Variants in KDSR observed in about 807,000 individuals in gnomAD.
KDSR encodes 3-dehydrosphinganine reductase.
A neutral mutation model predicts 41.3 loss-of-function variants in KDSR; 23 were observed. The observed-to-expected ratio is 0.56, with a 90% CI of 0.40 to 0.79. The LOEUF is 0.79. Ranked by LOEUF, KDSR falls within the 30% of genes least tolerant of loss-of-function variation. The probability of loss-of-function intolerance (pLI) is 0.00; values close to 1 mark genes in which losing one functional copy is unlikely to be tolerated. For missense variants in KDSR, 351 were observed against 416.8 expected, an observed-to-expected ratio of 0.84 and a Z score of 1.37; for synonymous variants, 138 against 151.7, an observed-to-expected ratio of 0.91 and a Z score of 0.66.
At position 63,331,592 on chromosome 18, in the gene KDSR, T is replaced by C. The variant is rs189003188; in HGVS notation, c.*190A>G. On this transcript the variant is annotated 3_prime_UTR_variant, in exon 10 of 10. Transcript: ENST00000645214. Reference sequence around the variant, plus strand: ...AATGGTCTCCTATTCCATATTTGCATAGTATTAATAATACTGTCAGGAGGT... The same window carrying C: ...AATGGTCTCCTATTCCATATTTGCACAGTATTAATAATACTGTCAGGAGGT... The C allele has an allele frequency of 6.2e-6, 3 of 485,098 alleles. No individual in the cohort carries two copies. The highest frequency in any genetic ancestry group is 1.1e-5 in the Non-Finnish European group (3 of 274,764). 30.0% of individuals were successfully genotyped at this position (485,098 alleles called of 1,614,324 possible). A position where few individuals can be genotyped will look rare whatever the true frequency, so the allele number is the denominator to read the frequency against.
chr18:63,338,786 A>T lies in KDSR; in HGVS notation c.777+14T>A. On this transcript the variant is annotated intron_variant, in intron 8 of 9. Transcript: ENST00000645214. ...ACAAACACAAATAGTACAGAAAACA[A>T]GGATTTTACTTACTATGGCATCTTT... The T allele has an allele frequency of 6.5e-7, 1 of 1,538,862 alleles. No individual in the cohort carries two copies. Among genetic ancestry groups the T allele is most frequent in the Non-Finnish European group, 9.0e-7 (1 of 1,115,662 alleles).
intron 6 of KDSR, among the ~76,000 whole-genome samples, chr18:63,347,964 A>G (rs1914560795): frequency 6.6e-6 from 1 of 152,140 alleles, no homozygotes; most frequent in African/African-American, 2.4e-5. Flanking sequence ...GGAGACTTCA[A>G]AGTTAATTAA....
At chr18:63,348,533 T>C (rs2144363227) in intron 6 of KDSR, among the ~76,000 whole-genome samples, 1 of 152,242 alleles carries the variant, frequency 6.6e-6, no homozygotes, top group South Asian at 2.1e-4. Flanking sequence ...CTATTTTTCA[T>C]GGGATAAGTT....
At chr18:63,357,464 C>T (rs771158995) in intron 3 of KDSR, among the ~76,000 whole-genome samples, 18 of 141,584 alleles carry the variant, frequency 1.3e-4, no homozygotes, top group Non-Finnish European at 2.1e-4. Flanking sequence ...TAGAATACTA[C>T]GCAGCAGTAA....
chr18:63,333,820 G>C (rs944565694), intron 9 of KDSR, among the ~76,000 whole-genome samples: 1 of 152,214 alleles, frequency 6.6e-6, no homozygotes, highest in Non-Finnish European at 1.5e-5. Context: ...CAGGGGGCCT[G>C]CTGCGGCAAC....
intron 1 of KDSR, among the ~76,000 whole-genome samples, chr18:63,365,001 G>C (rs1915094298): frequency 6.6e-6 from 1 of 152,158 alleles, no homozygotes. Context: ...ACATCATTGG[G>C]AAGTGTCTCC....
chr18:63,359,178 C>CA (rs74169959), intron 3 of KDSR, among the ~76,000 whole-genome samples: 2,571 of 33,688 alleles, frequency 0.076, 120 homozygotes, highest in African/African-American at 0.15. Context: ...GACACTGCCT[C>CA]AAAAAAAAAA....
At position 63,354,424 on chromosome 18, in the gene KDSR, T is replaced by G. The variant is rs191220863; in HGVS notation, c.417+780A>C. Among the ~76,000 whole-genome samples the G allele has an allele frequency of 1.3e-3, 197 of 152,282 alleles. 1 individual carries two copies. The highest frequency in any genetic ancestry group is 5.4e-4 in the Non-Finnish European group (37 of 68,016). On this transcript the variant is annotated intron_variant, in intron 5 of 9. Coordinates refer to ENST00000645214, the MANE Select transcript of KDSR (RefSeq NM_002035.4). Reference sequence around the variant, plus strand: ...GGCTCATGCCTGTACTCCCAGCACTTTGGGAGGTAGAGGTGGGCCAGTCAC... The same window carrying G: ...GGCTCATGCCTGTACTCCCAGCACTGTGGGAGGTAGAGGTGGGCCAGTCAC...
chr18:63,350,966 C>A lies in KDSR; in HGVS notation c.531G>T (p.Gln177His), dbSNP rs1397281401. The A allele has an allele frequency of 6.2e-7, 1 of 1,614,186 alleles. No individual in the cohort carries two copies. The highest frequency in any genetic ancestry group is 2.2e-5 in the East Asian group (1 of 44,884). ...AGGCTGTGAAACCGAATAATCCCAA[C>A]TGTCCTGCCTGGGAGGACACAAACA... Reference protein sequence around the residue: ...RIVFVSSQAGQLGLFGFTAYS... With the variant: ...RIVFVSSQAGHLGLFGFTAYS... The change falls in exon 6 of 10, where the codon CAG becomes CAT. Residue 177 changes from glutamine to histidine, a missense_variant. Transcript: ENST00000645214.
intron 1 of KDSR, among the ~76,000 whole-genome samples, chr18:63,363,202 A>C (rs1051085879): frequency 4.0e-5 from 5 of 126,504 alleles, no homozygotes; most frequent in African/African-American, 1.5e-4. Context: ...AATGAATCTT[A>C]TTTTCTTTTT....
intron 3 of KDSR, among the ~76,000 whole-genome samples, chr18:63,357,454 T>G (rs1914826996): frequency 6.8e-6 from 1 of 146,800 alleles, no homozygotes; most frequent in Non-Finnish European, 1.5e-5. Context: ...ATACATACAA[T>G]AGAATACTAC....
At position 63,329,724 on chromosome 18, in the gene KDSR, T is replaced by C. The variant is rs994470384; in HGVS notation, c.*2058A>G. 3 of 193,156 alleles carry C rather than the reference T, an allele frequency of 1.6e-5. No homozygotes were observed. Among genetic ancestry groups the C allele is most frequent in the Non-Finnish European group, 3.2e-5 (3 of 92,668 alleles). The allele number at this position is 193,156 out of a possible 1,614,324, so 12.0% of individuals were successfully genotyped here. Reference sequence around the variant, plus strand: ...GATAATTTGAAAAAATATATTGAAATAACTATTTAATGTTATTAAATCAGA... The same window carrying C: ...GATAATTTGAAAAAATATATTGAAACAACTATTTAATGTTATTAAATCAGA... On this transcript the variant is annotated 3_prime_UTR_variant, in exon 10 of 10. Transcript: ENST00000645214.
In KDSR at chr18:63,338,871, G is replaced by A. The variant is rs377122315; in HGVS notation, c.706C>T (p.Arg236Ter). The change falls in exon 8 of 10, where the codon CGA becomes TGA. Residue 236 changes from arginine (R) to a stop codon, truncating the protein, a stop_gained. Transcript: ENST00000645214. LOFTEE classifies it high-confidence loss of function. The part of the protein sequence containing the change: ...EENRTKPLET[R>*]LISETTSVCK... ...ACAGATGTGGTCTCTGAAATAAGTC[G>A]AGTCTCCAAAGGCTAAAAGTGGAAA... 4.9e-5 allele frequency: 78 copies of A among 1,604,374 alleles called. No homozygotes were observed. Among genetic ancestry groups the A allele is most frequent in the Non-Finnish European group, 6.1e-5 (72 of 1,176,618 alleles).
At chr18:63,362,100 G>C (rs978252037) in intron 2 of KDSR, among the ~76,000 whole-genome samples, 3 of 152,232 alleles carry the variant, frequency 2.0e-5, no homozygotes, top group Non-Finnish European at 4.4e-5. Flanking sequence ...TCAAGCACTA[G>C]AATTGCTGCA....
At chr18:63,348,688 C>T (rs1914584556) in intron 6 of KDSR, among the ~76,000 whole-genome samples, 1 of 152,240 alleles carries the variant, frequency 6.6e-6, no homozygotes. Flanking sequence ...CTGTCTGTAC[C>T]AGCAATCCAC....
Position 63,367,033 on chromosome 18 carries a change from G to A in KDSR, c.86C>T (p.Ala29Val). 1 of 1,317,732 alleles carries A rather than the reference G, an allele frequency of 7.6e-7. No homozygotes were observed. The highest frequency in any genetic ancestry group is 9.8e-7 in the Non-Finnish European group (1 of 1,025,176). The allele number at this position is 1,317,732 out of a possible 1,614,324, so 81.6% of individuals were successfully genotyped here. Residue 29 changes from alanine to valine, a missense_variant, in exon 1 of 10, where the codon GCC becomes GTC. Coordinates refer to ENST00000645214, the MANE Select transcript of KDSR (RefSeq NM_002035.4). ...VSPLISPKPL[A>V]LPGAHVVVTG... is the part of the protein sequence containing the mutation. ...CACCACCACATGCGCCCCGGGCAGGGCGAGGGGCTTGGGGCTGATGAGCGG... is the reference window on the plus strand; with the variant it reads ...CACCACCACATGCGCCCCGGGCAGGACGAGGGGCTTGGGGCTGATGAGCGG...
chr18:63,366,062 T>C (rs1915127531), intron 1 of KDSR: 1 of 152,162 alleles, frequency 6.6e-6, no homozygotes, highest in South Asian at 2.1e-4. Context: ...CCCTCCTTAC[T>C]CCTAACTCCT....
chr18:63,341,675 A>T (rs1215327443), intron 7 of KDSR, among the ~76,000 whole-genome samples: 1 of 152,194 alleles, frequency 6.6e-6, no homozygotes, highest in Admixed American at 6.5e-5. Flanking sequence ...AGAAGATTTC[A>T]TGCCAAAATC....
intron 9 of KDSR, among the ~76,000 whole-genome samples, chr18:63,333,138 C>T (rs1914061311): frequency 6.6e-6 from 1 of 152,128 alleles, no homozygotes. Flanking sequence ...GTCACCCAGG[C>T]TGGAGTGCAG....
Sources: allele counts gnomAD v4.1 joint callset (sites outside exome capture counted in the v4.1 genomes callset), GRCh38; gene constraint gnomAD v4.1.1; transcripts MANE v1.5; gene names NCBI Gene and HGNC (gene_info 2026-07-23, HGNC 2026-07-21).